The following ZNF768 variants were observed in gnomAD, a reference collection of about 807,000 sequenced individuals.
ZNF768 encodes zinc finger protein 768.
ZNF768 carries 12 observed loss-of-function variants against 39.7 expected under a neutral mutation model. The observed-to-expected ratio is 0.30, with a 90% CI of 0.19 to 0.49. The LOEUF is 0.49. Among genes scored for constraint, ZNF768 ranks in the 20% least tolerant of loss-of-function variants. The pLI is 0.99. For synonymous variants in ZNF768, 360 were observed against 288.4 expected, an observed-to-expected ratio of 1.25 and a Z score of -2.52; for missense variants, 613 against 723.2, an observed-to-expected ratio of 0.85 and a Z score of 1.75.
At chr16:30,528,619 A>G (rs1330343707), upstream of ZNF768, among the ~76,000 whole-genome samples, 1 of 152,122 alleles carries the variant, frequency 6.6e-6, no homozygotes, top group Non-Finnish European at 1.5e-5. Flanking sequence ...AAGCGGGGAA[A>G]ACTTTCTGCC....
rs2051316211 is a variant in ZNF768, at chr16:30,525,701, A to G, written c.439T>C (p.Ser147Pro). The change falls in exon 2 of 2, where the codon TCT becomes CCT. Residue 147 changes from serine to proline, a missense_variant. Physicochemically the swap from Ser to Pro is moderately conservative, Grantham distance 74. This residue lies in a region of ZNF768 where 347 missense variants were observed against 326.1 expected (regional missense o/e 1.06). Transcript: ENST00000380412. Reference protein sequence around the residue: ...PRSPGYESESSRYESQNTELK... With the variant: ...PRSPGYESESPRYESQNTELK... ...TCAGTGTTCTGGGATTCATATCTAG[A>G]GCTCTCAGATTCATAGCCAGGGCTC... 1.2e-6 allele frequency: 2 copies of G among 1,613,662 alleles called. No individual in the cohort carries two copies. Among genetic ancestry groups the G allele is most frequent in the South Asian group, 2.2e-5 (2 of 91,060 alleles).
chr16:30,532,453 C>A, the ZNF768 span: 3 of 1,557,194 alleles, frequency 1.9e-6, no homozygotes, highest in Non-Finnish European at 2.6e-6. Context: ...GCCCCTGAGC[C>A]CATCTCGGGC....
Position 30,524,537 on chromosome 16 carries a change from G to T in ZNF768, c.1603C>A (p.His535Asn). The change falls in exon 2 of 2, where the codon CAC becomes AAC. Residue 535 changes from histidine (H) to asparagine (N), a missense_variant. This residue lies in a region of ZNF768 where 204 missense variants were observed against 281.7 expected (regional missense o/e 0.72). Coordinates refer to ENST00000380412, the MANE Select transcript of ZNF768 (RefSeq NM_024671.4). ...SSDLIRHQRT[H>N]AAGRR Reference sequence around the variant, plus strand: ...CCAGGTCAGCGCCGGCCCGCCGCGTGGGTCCGCTGGTGGCGGATGAGGTCG... The same window carrying T: ...CCAGGTCAGCGCCGGCCCGCCGCGTTGGTCCGCTGGTGGCGGATGAGGTCG... 6.2e-7 allele frequency: 1 copy of T among 1,609,776 alleles called. No homozygotes were observed.
chr16:30,524,468 T>G lies in ZNF768; in HGVS notation c.*49A>C. 6.4e-7 allele frequency: 1 copy of G among 1,560,234 alleles called. No individual in the cohort carries two copies. Among genetic ancestry groups the G allele is most frequent in the Non-Finnish European group, 8.6e-7 (1 of 1,160,312 alleles). On this transcript the variant is annotated 3_prime_UTR_variant, in exon 2 of 2. Transcript: ENST00000380412. The stretch of plus-strand genomic sequence containing the variant: ...CTCCCTAAAGGTTCCTCTAGCTCCC[T>G]GGCCCCTTATCTTCTGCCCACACCT...
At chr16:30,528,083 G>A (rs2051344193), upstream of ZNF768, 1 of 152,116 alleles carries the variant, frequency 6.6e-6, no homozygotes, top group Admixed American at 6.6e-5. Flanking sequence ...GACAGTTAAC[G>A]AGCCCGATGC....
At chr16:30,530,869 GCAGGGGCTGC>G (rs1435864402), upstream of ZNF768, 1 of 152,324 alleles carries the variant, frequency 6.6e-6, no homozygotes, top group Non-Finnish European at 1.5e-5. The surrounding 1 kb of genome is among the most constrained non-coding windows in gnomAD (Gnocchi z 4.4). Context: ...CAGAGGCAGG[GCAGGGGCTGC>G]CCGTGGCTGG....
At position 30,525,162 on chromosome 16, in the gene ZNF768, G is replaced by A. The variant is rs2051309696; in HGVS notation, c.978C>T (p.Phe326=). 6.2e-7 allele frequency: 1 copy of A among 1,613,532 alleles called. No homozygotes were observed. Among genetic ancestry groups the A allele is most frequent in the Non-Finnish European group, 8.5e-7 (1 of 1,179,828 alleles). Residue 326 remains phenylalanine (F), a synonymous_variant, in exon 2 of 2, where the codon TTC becomes TTT. Coordinates refer to ENST00000380412, the MANE Select transcript of ZNF768 (RefSeq NM_024671.4). The part of the protein sequence containing the change: ...PYKCPRCGKA[F]ADSSYLLRHQ... ...GGCGAAGCAGGTAAGAGCTGTCGGC[G>A]AAGGCCTTGCCGCAACGGGGACATT...
chr16:30,526,433 A>G lies in ZNF768; in HGVS notation c.-20T>C. 6.5e-7 allele frequency: 1 copy of G among 1,536,186 alleles called. No individual in the cohort carries two copies. Reference sequence around the variant, plus strand: ...CTCCATCCCCGCGGGCTCCCAGTGCAGCGGCGGCGGCGATGGCGGCCGATC... The same window carrying G: ...CTCCATCCCCGCGGGCTCCCAGTGCGGCGGCGGCGGCGATGGCGGCCGATC... On this transcript the variant is annotated 5_prime_UTR_variant, in exon 1 of 2. Coordinates refer to ENST00000380412, the MANE Select transcript of ZNF768 (RefSeq NM_024671.4).
chr16:30,530,366 C>G (rs1490893529), upstream of ZNF768: 1 of 152,176 alleles, frequency 6.6e-6, no homozygotes, highest in East Asian at 1.9e-4. This position sits in a 1 kb window ranked among gnomAD's most constrained non-coding sequence, Gnocchi z 4.4. Flanking sequence ...TCAGAGACCT[C>G]TAGGTAATAA....
upstream of ZNF768, among the ~76,000 whole-genome samples, chr16:30,530,120 C>T (rs1192433482): frequency 2.6e-5 from 4 of 152,070 alleles, no homozygotes; most frequent in African/African-American, 4.8e-5. The surrounding 1 kb of genome is among the most constrained non-coding windows in gnomAD (Gnocchi z 4.4). Flanking sequence ...TGAGCCACCA[C>T]GCCCGGCCGA....
chr16:30,524,500 C>T lies in ZNF768; in HGVS notation c.*17G>A, dbSNP rs751951904. 5.0e-6 allele frequency: 8 copies of T among 1,596,244 alleles called. No homozygotes were observed. Among genetic ancestry groups the T allele is most frequent in the Non-Finnish European group, 6.8e-6 (8 of 1,174,464 alleles). On this transcript the variant is annotated 3_prime_UTR_variant, in exon 2 of 2. Transcript: ENST00000380412. ...TTATCTTCTGCCCACACCTCCCACC[C>T]CTGCTGGGGCCCCAGGTCAGCGCCG...
rs777085219 is a variant in ZNF768 at position 30,525,679 on chromosome 16, G to C, written c.461C>G (p.Thr154Ser). Residue 154 changes from threonine (T) to serine (S), a missense_variant, in exon 2 of 2, where the codon ACT (threonine) becomes AGT (serine). Transcript: ENST00000380412. ...SESSRYESQN[T>S]ELKTQSPEFE... ...TTCTGGGCTTTGGGTTTTGAGCTCA[G>C]TGTTCTGGGATTCATATCTAGAGCT... is the stretch of plus-strand genomic sequence containing the variant. 1 of 1,614,242 alleles carries C rather than the reference G, an allele frequency of 6.2e-7. No individual in the cohort carries two copies.
chr16:30,525,504 T>C lies in ZNF768; in HGVS notation c.636A>G (p.Ile212Met). Residue 212 changes from isoleucine to methionine, a missense_variant, in exon 2 of 2, where the codon ATA (isoleucine) becomes ATG (methionine). By Grantham distance (10) the Ile-to-Met change is conservative. This residue lies in a region of ZNF768 where 347 missense variants were observed against 326.1 expected (regional missense o/e 1.06). Coordinates refer to ENST00000380412, the MANE Select transcript of ZNF768 (RefSeq NM_024671.4). ...CTGTGGGCATCTCAAAAGGTGGCCCTATGGGCAGGTCCCCTGTGGGCTGCT... is the reference window on the plus strand; with the variant it reads ...CTGTGGGCATCTCAAAAGGTGGCCCCATGGGCAGGTCCCCTGTGGGCTGCT... The part of the protein sequence containing the change: ...FGEQPTGDLP[I>M]GPPFEMPTGA... 1 of 1,614,112 alleles carries C rather than the reference T, an allele frequency of 6.2e-7. No individual in the cohort carries two copies. The highest frequency in any genetic ancestry group is 8.5e-7 in the Non-Finnish European group (1 of 1,180,000).
Position 30,526,173 on chromosome 16 carries a change from C to T in ZNF768, c.89-122G>A, listed in dbSNP as rs1279673171. 3.8e-5 allele frequency: 57 copies of T among 1,500,808 alleles called. No individual in the cohort carries two copies. In the South Asian group the frequency reaches 6.9e-4, roughly 18 times the overall value. The allele number at this position is 1,500,808 out of a possible 1,614,324, so 93.0% of individuals were successfully genotyped here. A position where few individuals can be genotyped will look rare whatever the true frequency, so the allele number is the denominator to read the frequency against. On this transcript the variant is annotated intron_variant, in intron 1 of 1. Coordinates refer to ENST00000380412, the MANE Select transcript of ZNF768 (RefSeq NM_024671.4). Reference sequence around the variant, plus strand: ...CCCTAGACAAGTGCTGAAATTCCCACGCCCCCCTCAGCTGACCCAAGACAC... The same window carrying T: ...CCCTAGACAAGTGCTGAAATTCCCATGCCCCCCTCAGCTGACCCAAGACAC...
In ZNF768 at chr16:30,525,396, C is replaced by G; in HGVS notation, c.744G>C (p.Arg248=). 6.2e-7 allele frequency: 1 copy of G among 1,614,150 alleles called. No individual in the cohort carries two copies. The highest frequency in any genetic ancestry group is 1.1e-5 in the South Asian group (1 of 91,090). ...LTGALRGPGR[R]GGRARGGQGP... ...CCTGCCCACCCCTGGCCCGGCCACC[C>G]CGCCGACCTGGACCTCGAAGGGCTC... Residue 248 remains arginine, a synonymous_variant, in exon 2 of 2, where the codon CGG becomes CGC. Transcript: ENST00000380412.
At position 30,526,376 on chromosome 16, in the gene ZNF768, T is replaced by C. The variant is rs538804988; in HGVS notation, c.38A>G (p.Gln13Arg). Residue 13 changes from glutamine to arginine, a missense_variant, in exon 1 of 2, where the codon CAG becomes CGG. This residue lies in a region of ZNF768 where 347 missense variants were observed against 326.1 expected (regional missense o/e 1.06). Transcript: ENST00000380412. ...REALPWGLEP[Q>R]DVQSSDEMRS... ...CATTTCGTCAGAACTCTGCACATCCTGGGGCTCGAGGCCCCACGGCAACGC... is the reference window on the plus strand; with the variant it reads ...CATTTCGTCAGAACTCTGCACATCCCGGGGCTCGAGGCCCCACGGCAACGC... 6.2e-7 allele frequency: 1 copy of C among 1,601,704 alleles called. No homozygotes were observed. Among genetic ancestry groups the C allele is most frequent in the African/African-American group, 1.4e-5 (1 of 73,752 alleles).
rs1288153478 is a variant in ZNF768 at position 30,524,502 on chromosome 16, T to A, written c.*15A>T. ...ATCTTCTGCCCACACCTCCCACCCCTGCTGGGGCCCCAGGTCAGCGCCGGC... is the reference window on the plus strand; with the variant it reads ...ATCTTCTGCCCACACCTCCCACCCCAGCTGGGGCCCCAGGTCAGCGCCGGC... On this transcript the variant is annotated 3_prime_UTR_variant, in exon 2 of 2. Transcript: ENST00000380412. The A allele has an allele frequency of 1.5e-5, 24 of 1,597,516 alleles. No homozygotes were observed. The highest frequency in any genetic ancestry group is 2.0e-5 in the Non-Finnish European group (24 of 1,174,942).
At chr16:30,527,119 G>T (rs1232749026), upstream of ZNF768, 2 of 985,416 alleles carry the variant, frequency 2.0e-6, no homozygotes, top group East Asian at 2.3e-4. Context: ...ACGCTTCCCG[G>T]CGCCAGCGGG....
upstream of ZNF768, among the ~76,000 whole-genome samples, chr16:30,529,455 G>A (rs541742289): frequency 2.6e-5 from 4 of 152,322 alleles, no homozygotes; most frequent in Admixed American, 6.5e-5. Flanking sequence ...CTTCACAGAC[G>A]TTCTCAGTGA....
Sources: allele counts gnomAD v4.1 joint callset (sites outside exome capture counted in the v4.1 genomes callset), GRCh38; gene constraint gnomAD v4.1.1; regional missense constraint gnomAD v4.1.1; non-coding constraint Gnocchi (gnomAD v3.1); transcripts MANE v1.5; gene names NCBI Gene and HGNC (gene_info 2026-07-23, HGNC 2026-07-21).